RELN: variants seen among roughly 807,000 people sequenced by gnomAD.
RELN encodes reelin.
In RELN, 108 loss-of-function variants were observed where a neutral mutation model predicts 427.6. The observed-to-expected ratio is 0.25, with a 90% CI of 0.22 to 0.30. RELN has a LOEUF of 0.30. Among genes scored for constraint, RELN ranks in the 10% least tolerant of loss-of-function variants. The probability of loss-of-function intolerance (pLI) is 1.00; values close to 1 mark genes in which losing one functional copy is unlikely to be tolerated. For synonymous variants in RELN, 1,524 were observed against 1,513.4 expected (o/e 1.01, Z -0.16); for missense variants, 3,715 against 4,302.8 (o/e 0.86, Z 3.82).
intron 12 of RELN, among the ~76,000 whole-genome samples, chr7:103,654,909 G>T (rs889967471): frequency 3.3e-5 from 5 of 152,120 alleles, no homozygotes; most frequent in African/African-American, 1.2e-4. Flanking sequence ...ACTAGTGGAA[G>T]AGCCAGGGGT....
chr7:103,605,632 G>T (rs1430246415), intron 22 of RELN, among the ~76,000 whole-genome samples: 2 of 152,130 alleles, frequency 1.3e-5, no homozygotes, highest in East Asian at 3.8e-4. Flanking sequence ...AACAAAACAT[G>T]ATTTGCAAAA....
At chr7:103,944,792 A>T (rs938829204) in intron 1 of RELN, among the ~76,000 whole-genome samples, 4 of 152,142 alleles carry the variant, frequency 2.6e-5, no homozygotes, top group African/African-American at 9.7e-5. Context: ...GGATGTAAGT[A>T]AAGAAACCAC....
chr7:103,503,908 A>AC (rs1234746299), intron 51 of RELN, among the ~76,000 whole-genome samples: 68 of 151,604 alleles, frequency 4.5e-4, no homozygotes, highest in African/African-American at 1.6e-3. Flanking sequence ...AAAAAAAAAA[A>AC]AAAAAAAAAA....
intron 4 of RELN, among the ~76,000 whole-genome samples, chr7:103,771,405 C>T (rs535054514): frequency 1.3e-5 from 2 of 152,174 alleles, no homozygotes; most frequent in East Asian, 3.9e-4. Flanking sequence ...TGGTCTTTCT[C>T]ACTTGGCTGC....
chr7:103,971,605 C>T (rs1387286355), intron 1 of RELN, among the ~76,000 whole-genome samples: 1 of 152,170 alleles, frequency 6.6e-6, no homozygotes, highest in Non-Finnish European at 1.5e-5. Flanking sequence ...TGTGTGTATG[C>T]AGACAGGCTG....
chr7:103,728,503 T>A (rs1790270116), intron 6 of RELN, among the ~76,000 whole-genome samples: 1 of 152,124 alleles, frequency 6.6e-6, no homozygotes, highest in Non-Finnish European at 1.5e-5. Flanking sequence ...TCTCACATAG[T>A]TATTGTGAGG....
At chr7:103,836,098 G>A (rs1387622851) in intron 2 of RELN, among the ~76,000 whole-genome samples, 1 of 152,016 alleles carries the variant, frequency 6.6e-6, no homozygotes, top group African/African-American at 2.4e-5. Flanking sequence ...GAGTAGCTGG[G>A]ATTACAGGTG....
chr7:103,989,090 G>C lies in RELN; in HGVS notation c.226+41C>G, dbSNP rs1156512860. On this transcript the variant is annotated intron_variant, in intron 1 of 64. Transcript: ENST00000428762. This position sits in a 1 kb window ranked among gnomAD's most constrained non-coding sequence, Gnocchi z 4.9. ...GGATGAGAAAGGTGCGCTGGCGGGCGCACCCGGCGGCGGCGAGCGCGGAGG... is the reference window on the plus strand; with the variant it reads ...GGATGAGAAAGGTGCGCTGGCGGGCCCACCCGGCGGCGGCGAGCGCGGAGG... 1.3e-6 allele frequency: 2 copies of C among 1,560,576 alleles called. No individual in the cohort carries two copies. Among genetic ancestry groups the C allele is most frequent in the Non-Finnish European group, 1.8e-6 (2 of 1,135,740 alleles).
At chr7:103,776,912 G>C (rs1791757506) in intron 3 of RELN, among the ~76,000 whole-genome samples, 1 of 152,144 alleles carries the variant, frequency 6.6e-6, no homozygotes, top group Non-Finnish European at 1.5e-5. Flanking sequence ...AAAAAGTATG[G>C]AGAGGAGGCT....
chr7:103,587,155 C>T (rs1386058437), intron 28 of RELN, among the ~76,000 whole-genome samples: 2 of 152,178 alleles, frequency 1.3e-5, no homozygotes, highest in African/African-American at 4.8e-5. Context: ...GTAAGCAAAA[C>T]ACCATGATAC....
At chr7:103,864,720 C>G (rs1794152994) in intron 2 of RELN, among the ~76,000 whole-genome samples, 2 of 151,600 alleles carry the variant, frequency 1.3e-5, no homozygotes, top group Non-Finnish European at 2.9e-5. Flanking sequence ...AGGATTGGAG[C>G]AGAAATAGAA....
intron 1 of RELN, among the ~76,000 whole-genome samples, chr7:103,948,338 A>G (rs1437297011): frequency 6.6e-6 from 1 of 152,038 alleles, no homozygotes; most frequent in African/African-American, 2.4e-5. Context: ...AAGTATGTCT[A>G]TTTTTTTAAT....
At chr7:103,643,754 GA>G (rs966396927) in intron 16 of RELN, among the ~76,000 whole-genome samples, 12 of 151,822 alleles carry the variant, frequency 7.9e-5, no homozygotes, top group Admixed American at 6.6e-4. Flanking sequence ...GGTTTCTAAA[GA>G]AAAAAACTGT....
chr7:103,848,966 A>T (rs958227760), intron 2 of RELN, among the ~76,000 whole-genome samples: 1 of 152,228 alleles, frequency 6.6e-6, no homozygotes, highest in Non-Finnish European at 1.5e-5. Flanking sequence ...CTTGATGAAC[A>T]GCAGCAAAAG....
chr7:103,651,735 A>G lies in RELN; in HGVS notation c.1818T>C (p.Thr606=). The G allele has an allele frequency of 6.2e-7, 1 of 1,611,870 alleles. No individual in the cohort carries two copies. Among genetic ancestry groups the G allele is most frequent in the Non-Finnish European group, 8.5e-7 (1 of 1,178,598 alleles). The change falls in exon 15 of 65, where the codon ACT becomes ACC. Residue 606 remains threonine, a synonymous_variant. Coordinates refer to ENST00000428762, the MANE Select transcript of RELN (RefSeq NM_005045.4). Reference sequence around the variant, plus strand: ...CAGCACAGATCTCAGGTAAGCATTCAGTGTGAAGGAGGGACCAGGAGCGCC... The same window carrying G: ...CAGCACAGATCTCAGGTAAGCATTCGGTGTGAAGGAGGGACCAGGAGCGCC... ...NHGRSWSLLH[T]ECLPEICAGP...
At chr7:103,977,425 A>T (rs1269850034) in intron 1 of RELN, among the ~76,000 whole-genome samples, 1 of 151,888 alleles carries the variant, frequency 6.6e-6, no homozygotes, top group African/African-American at 2.4e-5. Context: ...CCTATACTGC[A>T]GTGTGCAACT....
At chr7:103,494,547 T>C (rs915821129) in intron 57 of RELN, among the ~76,000 whole-genome samples, 20 of 146,220 alleles carry the variant, frequency 1.4e-4, no homozygotes, top group African/African-American at 5.4e-4. Context: ...GCTAATTTTT[T>C]TTTTTTTTTT....
intron 2 of RELN, among the ~76,000 whole-genome samples, chr7:103,897,134 T>G (rs1367319857): frequency 6.6e-6 from 1 of 152,010 alleles, no homozygotes; most frequent in Admixed American, 6.6e-5. Flanking sequence ...TTAAATTACC[T>G]CCCACTGGGT....
chr7:103,810,761 TAAC>T (rs1332908510), intron 3 of RELN, among the ~76,000 whole-genome samples: 3 of 152,202 alleles, frequency 2.0e-5, no homozygotes, highest in Admixed American at 1.3e-4. Flanking sequence ...ATTGTAGCAA[TAAC>T]AACAATGCCA....
Sources: allele counts gnomAD v4.1 joint callset (sites outside exome capture counted in the v4.1 genomes callset), GRCh38; gene constraint gnomAD v4.1.1; non-coding constraint Gnocchi (gnomAD v3.1); transcripts MANE v1.5; gene names NCBI Gene and HGNC (gene_info 2026-07-23, HGNC 2026-07-21).